Variants in DIP2B observed in about 807,000 individuals in gnomAD.
The protein encoded by DIP2B is disco-interacting protein 2 homolog B.
In DIP2B, 76 loss-of-function variants were observed where a neutral mutation model predicts 198.0. That is an observed-to-expected ratio of 0.38 (90% CI 0.32 to 0.46). DIP2B has a LOEUF of 0.46. DIP2B is among the 20% of genes least tolerant of loss of function. The probability of loss-of-function intolerance (pLI) is 0.99; values close to 1 mark genes in which losing one functional copy is unlikely to be tolerated. For synonymous variants in DIP2B, 701 were observed against 739.1 expected (o/e 0.95, Z 0.84); for missense variants, 1,559 against 1,978.4 (o/e 0.79, Z 4.02).
intron 28 of DIP2B, among the ~76,000 whole-genome samples, chr12:50,725,579 A>G (rs1175907209): frequency 6.6e-6 from 1 of 152,198 alleles, no homozygotes. Context: ...TAACCTGTCT[A>G]TAAAGTGGGA....
chr12:50,509,030 T>C (rs183634997), intron 1 of DIP2B, among the ~76,000 whole-genome samples: 110 of 152,318 alleles, frequency 7.2e-4, no homozygotes, highest in Non-Finnish European at 7.9e-4. Context: ...GTGTTGATTC[T>C]CTCTCTGAAA....
chr12:50,683,248 G>C lies in DIP2B; in HGVS notation c.1317G>C (p.Lys439Asn). ...CTATAGAGGTACCTCTTACCAGAAA[G>C]GTAACATTGCTAAATTTAAGAGGAA... ...PVPIEVPLTR[K>N]DAGGQQIGFL... The change falls in exon 10 of 38, where the codon AAG becomes AAC. Residue 439 changes from lysine to asparagine, a missense_variant and splice_region_variant. Coordinates refer to ENST00000301180, the MANE Select transcript of DIP2B (RefSeq NM_173602.3). 6.2e-7 allele frequency: 1 copy of C among 1,606,664 alleles called. No individual in the cohort carries two copies. The highest frequency in any genetic ancestry group is 8.5e-7 in the Non-Finnish European group (1 of 1,177,012).
intron 1 of DIP2B, among the ~76,000 whole-genome samples, chr12:50,581,743 T>C (rs1159335902): frequency 6.6e-6 from 1 of 152,138 alleles, no homozygotes; most frequent in Non-Finnish European, 1.5e-5. Flanking sequence ...TCCTGCTGAC[T>C]CAGGCATGGT....
In DIP2B at chr12:50,687,568, A is replaced by G. The variant is rs1939153423; in HGVS notation, c.1551+886A>G. Among the ~76,000 whole-genome samples the G allele has an allele frequency of 1.3e-5, 2 of 151,998 alleles. 1 individual carries two copies. Among genetic ancestry groups the G allele is most frequent in the East Asian group, 3.9e-4 (2 of 5,166 alleles). ...ATAGAAAAGAGAGGCTGGGAGAATGAGTTCATGTCCTTTGCAGGACATAGA... is the reference window on the plus strand; with the variant it reads ...ATAGAAAAGAGAGGCTGGGAGAATGGGTTCATGTCCTTTGCAGGACATAGA... On this transcript the variant is annotated intron_variant, in intron 12 of 37. Coordinates refer to ENST00000301180, the MANE Select transcript of DIP2B (RefSeq NM_173602.3).
chr12:50,673,359 G>A (rs200408561), intron 5 of DIP2B, among the ~76,000 whole-genome samples: 1 of 152,286 alleles, frequency 6.6e-6, no homozygotes, highest in East Asian at 1.9e-4. Context: ...AAGGAAATTA[G>A]AGGGAGGAAA....
intron 9 of DIP2B, among the ~76,000 whole-genome samples, chr12:50,682,628 CAAAAAAAAAAAA>C (rs58672851): frequency 1.2e-4 from 5 of 42,142 alleles, no homozygotes; most frequent in Admixed American, 5.8e-4. Flanking sequence ...GACTCTGTCT[CAAAAAAAAAAAA>C]AAAAAAAAAA....
intron 13 of DIP2B, among the ~76,000 whole-genome samples, chr12:50,692,562 G>T (rs1939239927): frequency 6.6e-6 from 1 of 152,092 alleles, no homozygotes; most frequent in African/African-American, 2.4e-5. Context: ...ATCAGGCTGG[G>T]CGCTGTGGCT....
chr12:50,718,909 T>TA, intron 24 of DIP2B, 46 bp from the exon 25 acceptor site: 1 of 1,613,276 alleles, frequency 6.2e-7, no homozygotes, highest in Non-Finnish European at 8.5e-7. Flanking sequence ...ATATGACTTG[T>TA]TATAAGTTGC....
intron 2 of DIP2B, among the ~76,000 whole-genome samples, chr12:50,638,846 G>T (rs1938203954): frequency 7.1e-6 from 1 of 140,676 alleles, no homozygotes; most frequent in Non-Finnish European, 1.5e-5. Flanking sequence ...GAAATGCTTG[G>T]GACTAGAAGT....
At chr12:50,566,406 G>C (rs1191688329) in intron 1 of DIP2B, among the ~76,000 whole-genome samples, 1 of 152,128 alleles carries the variant, frequency 6.6e-6, no homozygotes, top group African/African-American at 2.4e-5. Context: ...CGTGATTTCT[G>C]ACAAGAAAGC....
At chr12:50,573,068 T>G (rs920800469) in intron 1 of DIP2B, among the ~76,000 whole-genome samples, 14 of 152,228 alleles carry the variant, frequency 9.2e-5, no homozygotes, top group Non-Finnish European at 1.6e-4. Flanking sequence ...GCAGAGGGTG[T>G]TCTGTGTTTC....
chr12:50,567,961 T>C (rs1412090072), intron 1 of DIP2B, among the ~76,000 whole-genome samples: 1 of 152,248 alleles, frequency 6.6e-6, no homozygotes, highest in African/African-American at 2.4e-5. Context: ...GTGGTTCATA[T>C]TGAATATTAC....
chr12:50,622,272 G>A (rs915903339), intron 1 of DIP2B, among the ~76,000 whole-genome samples: 1 of 152,170 alleles, frequency 6.6e-6, no homozygotes, highest in African/African-American at 2.4e-5. Flanking sequence ...GAAATTCCCT[G>A]AAGTCTTGAG....
intron 1 of DIP2B, among the ~76,000 whole-genome samples, chr12:50,521,236 A>G (rs1016133426): frequency 4.0e-5 from 6 of 150,628 alleles, no homozygotes; most frequent in Admixed American, 2.0e-4. Flanking sequence ...CCTCCTGAGT[A>G]GCTGAGATTA....
In DIP2B at chr12:50,576,363, A is replaced by AG. The variant is rs1958660554; in HGVS notation, c.101-49612dup. On this transcript the variant is annotated intron_variant, in intron 1 of 37. Transcript: ENST00000301180. ...ATTACAGATGTGAGCCACTGCACCCAGCATTTTTTTTTTTTACATTTTTAA... is the reference window on the plus strand; with the variant it reads ...ATTACAGATGTGAGCCACTGCACCCAGGCATTTTTTTTTTTTACATTTTTAA... Among the ~76,000 whole-genome samples the AG allele has an allele frequency of 8.6e-5, 6 of 70,066 alleles. No homozygotes were observed. The South Asian group carries it at 4.8e-3, about 56-fold the overall frequency. The allele number at this position is 70,066 out of a possible 152,430, so 46.0% of individuals were successfully genotyped here.
At chr12:50,652,300 G>A (rs893726848) in intron 3 of DIP2B, among the ~76,000 whole-genome samples, 5 of 148,926 alleles carry the variant, frequency 3.4e-5, no homozygotes, top group African/African-American at 4.9e-5. Context: ...GCAACAGAGC[G>A]AGACTCTGCA....
intron 29 of DIP2B, among the ~76,000 whole-genome samples, chr12:50,728,082 T>C (rs990914367): frequency 6.6e-6 from 1 of 152,244 alleles, no homozygotes; most frequent in South Asian, 2.1e-4. Flanking sequence ...TATTTAGATA[T>C]CATAAAATGC....
At chr12:50,661,952 G>A (rs141321464) in intron 4 of DIP2B, among the ~76,000 whole-genome samples, 41 of 152,238 alleles carry the variant, frequency 2.7e-4, no homozygotes, top group Admixed American at 1.4e-3. Context: ...TTTTTTATCC[G>A]CTTTTACAAA....
intron 1 of DIP2B, among the ~76,000 whole-genome samples, chr12:50,534,369 AT>A (rs72095442): frequency 0.23 from 24,254 of 106,372 alleles, 820 homozygotes; most frequent in Middle Eastern, 0.29. Context: ...TTCTCATTTC[AT>A]TTTTTTTTTT....
Sources: allele counts gnomAD v4.1 joint callset (sites outside exome capture counted in the v4.1 genomes callset), GRCh38; gene constraint gnomAD v4.1.1; transcripts MANE v1.5; gene names NCBI Gene and HGNC (gene_info 2026-07-23, HGNC 2026-07-21).